Variants in STOX2 observed in about 807,000 individuals in gnomAD.
STOX2 encodes the protein storkhead box 2, also known as storkhead-box protein 2.
In STOX2, 28 loss-of-function variants were observed where a neutral mutation model predicts 60.9. The ratio of observed to expected loss-of-function variants is 0.46; its 90% CI spans 0.34 to 0.63. The LOEUF is 0.63. STOX2 is among the 30% of genes least tolerant of loss of function. The pLI, the probability that STOX2 is intolerant of heterozygous loss-of-function variation, is 0.01. For missense variants in STOX2, 1,024 were observed against 1,187.7 expected, an observed-to-expected ratio of 0.86 and a Z score of 2.03; for synonymous variants, 472 against 463.9, an observed-to-expected ratio of 1.02 and a Z score of -0.22.
intron 1 of STOX2, among the ~76,000 whole-genome samples, chr4:183,891,108 T>C (rs1741197803): frequency 6.6e-6 from 1 of 151,924 alleles, no homozygotes; most frequent in Non-Finnish European, 1.5e-5. Flanking sequence ...AGACCCTGTC[T>C]CTGACAATAA....
intron 1 of STOX2, among the ~76,000 whole-genome samples, chr4:183,829,750 G>A (rs2111119182): frequency 6.6e-6 from 1 of 152,270 alleles, no homozygotes; most frequent in East Asian, 1.9e-4. Flanking sequence ...TCTGTTACTT[G>A]CAACCAGATG....
intron 1 of STOX2, among the ~76,000 whole-genome samples, chr4:183,922,356 T>G (rs998185860): frequency 2.0e-5 from 3 of 151,722 alleles, no homozygotes; most frequent in Non-Finnish European, 2.9e-5. Context: ...TTAACTTTTT[T>G]TTTTTTTTGA....
chr4:183,819,016 C>T (rs532605668), intron 1 of STOX2, among the ~76,000 whole-genome samples: 28 of 152,086 alleles, frequency 1.8e-4, no homozygotes, highest in African/African-American at 6.3e-4. Context: ...TCCTCACTTC[C>T]TAGATGGGAT....
At chr4:183,869,196 T>C (rs896081040) in intron 1 of STOX2, among the ~76,000 whole-genome samples, 2 of 152,220 alleles carry the variant, frequency 1.3e-5, no homozygotes, top group Non-Finnish European at 2.9e-5. Flanking sequence ...AGCCGTGCTA[T>C]CTTTATAACA....
rs183443538 is a variant in STOX2, at chr4:183,805,704, T to C, written c.364+7649T>C. ...GCTGTGTGACTGTGGTCCCAGCTAC[T>C]TGAGAGGCTGAGGTGGGAGGATCGT... On this transcript the variant is annotated intron_variant, in intron 1 of 2. Transcript: ENST00000513034. 1.1e-4 allele frequency among the ~76,000 whole-genome samples: 16 copies of C among 152,332 alleles called. No individual in the cohort carries two copies. In the East Asian group the frequency reaches 3.1e-3, roughly 29 times the overall value.
Position 184,023,294 on chromosome 4 carries a change from C to T in STOX2, c.*6010C>T, listed in dbSNP as rs1734658755. 6.6e-6 allele frequency: 1 copy of T among 152,040 alleles called. No individual in the cohort carries two copies. The highest frequency in any genetic ancestry group is 1.5e-5 in the Non-Finnish European group (1 of 68,004). The allele number at this position is 152,040 out of a possible 1,614,324, so 9.4% of individuals were successfully genotyped here. A position where few individuals can be genotyped will look rare whatever the true frequency, so the allele number is the denominator to read the frequency against. On this transcript the variant is annotated 3_prime_UTR_variant, in exon 4 of 4. Coordinates refer to ENST00000308497, the MANE Select transcript of STOX2 (RefSeq NM_020225.3). ...CCCTAATGTTACTGATTTATAACAGCACATTTGTAACATGGTTTTTATCGT... is the reference window on the plus strand; with the variant it reads ...CCCTAATGTTACTGATTTATAACAGTACATTTGTAACATGGTTTTTATCGT...
intron 1 of STOX2, among the ~76,000 whole-genome samples, chr4:183,916,512 G>A (rs1276559274): frequency 1.3e-5 from 2 of 152,148 alleles, no homozygotes; most frequent in Non-Finnish European, 2.9e-5. Flanking sequence ...TGGGCTTTGG[G>A]TGAATTAATA....
chr4:183,843,539 A>G (rs1481516915), intron 1 of STOX2, among the ~76,000 whole-genome samples: 5 of 152,296 alleles, frequency 3.3e-5, no homozygotes, highest in Non-Finnish European at 5.9e-5. Context: ...GTGGGGCCAT[A>G]TGGTCTCTGT....
At chr4:183,992,882 G>A (rs961652478) in intron 1 of STOX2, among the ~76,000 whole-genome samples, 1 of 152,256 alleles carries the variant, frequency 6.6e-6, no homozygotes, top group Non-Finnish European at 1.5e-5. Context: ...CATGTGCCTA[G>A]CACGTACCAC....
chr4:183,864,257 A>AT (rs1228482582), intron 1 of STOX2, among the ~76,000 whole-genome samples: 1 of 152,146 alleles, frequency 6.6e-6, no homozygotes, highest in Non-Finnish European at 1.5e-5. Flanking sequence ...TTCCAGACTT[A>AT]TTTAACTCCT....
intron 1 of STOX2, among the ~76,000 whole-genome samples, chr4:183,899,737 G>T (rs72996802): frequency 0.02 from 2,987 of 152,296 alleles, 99 homozygotes; most frequent in African/African-American, 0.069. Context: ...AGAAGGAAGT[G>T]CTGATGGAGA....
chr4:183,886,078 C>A (rs28520724), intron 1 of STOX2, among the ~76,000 whole-genome samples: 528 of 95,868 alleles, frequency 5.5e-3, no homozygotes, highest in Middle Eastern at 0.012. Flanking sequence ...GTGAAGGTTC[C>A]GATGGTTGCT....
intron 1 of STOX2, among the ~76,000 whole-genome samples, chr4:183,950,342 G>GGAGA (rs145870979): frequency 1.3e-5 from 2 of 151,464 alleles, no homozygotes; most frequent in African/African-American, 4.8e-5. Flanking sequence ...CAGATTAGTG[G>GGAGA]GAGAGAGAGA....
chr4:184,012,594 A>G (rs183536439), intron 3 of STOX2, among the ~76,000 whole-genome samples: 4 of 152,242 alleles, frequency 2.6e-5, no homozygotes, highest in African/African-American at 9.6e-5. Context: ...GTTCATTATT[A>G]TTATTATTAT....
At chr4:183,840,055 T>C (rs559902152) in intron 1 of STOX2, among the ~76,000 whole-genome samples, 31 of 150,126 alleles carry the variant, frequency 2.1e-4, no homozygotes, top group East Asian at 7.8e-4. Flanking sequence ...TGTGTGCGCG[T>C]GTGTGTGTGT....
chr4:183,868,930 A>T (rs140777958), intron 1 of STOX2, among the ~76,000 whole-genome samples: 1 of 152,316 alleles, frequency 6.6e-6, no homozygotes, highest in African/African-American at 2.4e-5. Flanking sequence ...CAATACAGTG[A>T]GTATATCCTT....
chr4:183,874,969 AT>A lies in STOX2; in HGVS notation c.364+76915del, dbSNP rs1230252784. On this transcript the variant is annotated intron_variant, in intron 1 of 2. Transcript: ENST00000513034. ...AAAAAAAAAATATATATATATATAT[AT>A]ATATATATATATATATATATATAAA... Among the ~76,000 whole-genome samples, 76 of 101,952 alleles carry A rather than the reference AT, an allele frequency of 7.5e-4. 4 individuals are homozygous for A. The highest frequency in any genetic ancestry group is 3.0e-3 in the African/African-American group (76 of 24,976). The allele number at this position is 101,952 out of a possible 152,430, so 66.9% of individuals were successfully genotyped here.
At chr4:183,798,744 G>T (rs1738691760) in intron 1 of STOX2, 1 of 985,292 alleles carries the variant, frequency 1.0e-6, no homozygotes, top group South Asian at 4.7e-5. Context: ...AAAACGTAAA[G>T]AGGGGCAGAG....
intron 1 of STOX2, among the ~76,000 whole-genome samples, chr4:183,858,390 C>T (rs139740980): frequency 6.6e-5 from 10 of 152,322 alleles, no homozygotes; most frequent in Non-Finnish European, 1.2e-4. Flanking sequence ...GCCACCCACC[C>T]GGCAGCTCTT....
Sources: gnomAD v4.1 joint callset for allele counts (sites outside exome capture counted in the v4.1 genomes callset) on GRCh38, gnomAD v4.1.1 for gene constraint, MANE v1.5 for transcripts, NCBI Gene and HGNC (gene_info 2026-07-23, HGNC 2026-07-21) for gene names.